The following ACOX3 variants were observed in gnomAD, a reference collection of about 807,000 sequenced individuals.
ACOX3 encodes peroxisomal acyl-coenzyme A oxidase 3.
A neutral mutation model predicts 81.5 loss-of-function variants in ACOX3; 73 were observed. That is an observed-to-expected ratio of 0.90 (90% CI 0.74 to 1.09). The LOEUF (loss-of-function observed/expected upper bound fraction) is 1.09. Among genes scored for constraint, ACOX3 ranks in the 50% least tolerant of loss-of-function variants. The probability of loss-of-function intolerance (pLI) is 0.00; values close to 1 mark genes in which losing one functional copy is unlikely to be tolerated. For missense variants in ACOX3, 947 were observed against 928.0 expected (o/e 1.02, Z -0.27); for synonymous variants, 387 against 375.1 (o/e 1.03, Z -0.37).
downstream of ACOX3, among the ~76,000 whole-genome samples, chr4:8,363,065 C>T (rs1336035961): frequency 6.6e-6 from 1 of 152,182 alleles, no homozygotes; most frequent in Non-Finnish European, 1.5e-5. Context: ...AAGTTTGTTT[C>T]TGCAATTTAG....
intron 1 of ACOX3, among the ~76,000 whole-genome samples, chr4:8,424,236 A>G (rs561142336): frequency 6.6e-6 from 1 of 152,220 alleles, no homozygotes. Context: ...CATTATACAC[A>G]CTAATTAAGG....
At position 8,423,289 on chromosome 4, in the gene ACOX3, A is replaced by T. The variant is rs1723142157; in HGVS notation, c.-14-6754T>A. ...TAGGGAGATACATTCTAGCAAAAGC[A>T]GGGGCCATTATACACCTGAACATGG... On this transcript the variant is annotated intron_variant, in intron 1 of 17. Transcript: ENST00000356406. This position sits in a 1 kb window ranked among gnomAD's most constrained non-coding sequence, Gnocchi z 4.2. Among the ~76,000 whole-genome samples, 1 of 152,186 alleles carries T rather than the reference A, an allele frequency of 6.6e-6. No homozygotes were observed. Among genetic ancestry groups the T allele is most frequent in the African/African-American group, 2.4e-5 (1 of 41,442 alleles).
At chr4:8,421,722 T>C (rs1056990744) in intron 1 of ACOX3, among the ~76,000 whole-genome samples, 1 of 152,208 alleles carries the variant, frequency 6.6e-6, no homozygotes, top group Non-Finnish European at 1.5e-5. Flanking sequence ...ACCTAGGGTA[T>C]GAACCCAGGG....
chr4:8,374,612 C>T (rs1321391916), intron 15 of ACOX3: 1 of 204,036 alleles, frequency 4.9e-6, no homozygotes, highest in Non-Finnish European at 9.7e-6. Flanking sequence ...TCCAGGAAGC[C>T]TTCCAGTATT....
chr4:8,377,370 G>A (rs541895043), intron 14 of ACOX3, among the ~76,000 whole-genome samples: 6 of 152,360 alleles, frequency 3.9e-5, no homozygotes, highest in Admixed American at 6.5e-5. Context: ...GACATGCTGC[G>A]GGGGCCAGAA....
At chr4:8,415,097 G>A (rs1305881082) in intron 3 of ACOX3, among the ~76,000 whole-genome samples, 169 bp from the exon 4 acceptor site, 2 of 152,234 alleles carry the variant, frequency 1.3e-5, no homozygotes, top group African/African-American at 4.8e-5. Context: ...CCAGCAGCCT[G>A]GATGCCCAAG....
intron 1 of ACOX3, among the ~76,000 whole-genome samples, chr4:8,438,522 C>A (rs1724383644): frequency 6.6e-6 from 1 of 152,032 alleles, no homozygotes; most frequent in Non-Finnish European, 1.5e-5. Context: ...GGTCGGCCAC[C>A]CCCAAATCAC....
intron 1 of ACOX3, among the ~76,000 whole-genome samples, chr4:8,421,719 G>T (rs1424680443): frequency 1.3e-5 from 2 of 152,296 alleles, no homozygotes; most frequent in African/African-American, 4.8e-5. Context: ...AGCACCTAGG[G>T]TATGAACCCA....
chr4:8,393,641 A>ACACACACACATG (rs1553843567), intron 10 of ACOX3, among the ~76,000 whole-genome samples: 2,599 of 52,972 alleles, frequency 0.049, 37 homozygotes, highest in Non-Finnish European at 0.081. Context: ...ACACACGCAC[A>ACACACACACATG]CACACACACA....
At chr4:8,376,138 T>A (rs1203401147) in intron 14 of ACOX3, among the ~76,000 whole-genome samples, 1 of 152,182 alleles carries the variant, frequency 6.6e-6, no homozygotes, top group African/African-American at 2.4e-5. Context: ...ACCAACCGTG[T>A]ATCTGTGTCA....
In ACOX3 at chr4:8,389,059, CACT is replaced by C; in HGVS notation, c.1537+111_1537+113del. ...AGCTGCATGCGGGGCCTCCCACCAC[CACT>C]GCTGCCCCGGCTGGAACTGCCAAGG... On this transcript the variant is annotated intron_variant, in intron 13 of 17. Transcript: ENST00000356406. This position sits in a 1 kb window ranked among gnomAD's most constrained non-coding sequence, Gnocchi z 5.3. 1 of 800,500 alleles carries C rather than the reference CACT, an allele frequency of 1.2e-6. No homozygotes were observed. Among genetic ancestry groups the C allele is most frequent in the Non-Finnish European group, 2.1e-6 (1 of 487,458 alleles). The allele number at this position is 800,500 out of a possible 1,614,324, so 49.6% of individuals were successfully genotyped here. A position where few individuals can be genotyped will look rare whatever the true frequency, so the allele number is the denominator to read the frequency against.
the ACOX3 span, chr4:8,356,598 A>G: frequency 2.2e-6 from 1 of 456,328 alleles, no homozygotes; most frequent in Non-Finnish European, 4.4e-6. Context: ...AAGTGTGCAG[A>G]ATGGTGTACG....
intron 13 of ACOX3, among the ~76,000 whole-genome samples, chr4:8,388,287 G>A (rs1718544142): frequency 6.6e-6 from 1 of 152,252 alleles, no homozygotes; most frequent in Non-Finnish European, 1.5e-5. Context: ...GAGGCCTTGG[G>A]ATGTTTCTGT....
intron 17 of ACOX3, 68 bp from the exon 18 acceptor site, chr4:8,367,148 A>C: frequency 6.3e-7 from 1 of 1,580,298 alleles, no homozygotes; most frequent in African/African-American, 1.4e-5. Context: ...TAGACGGCTG[A>C]GTGTGCAAAT....
chr4:8,391,293 T>C (rs1312972925), intron 11 of ACOX3, among the ~76,000 whole-genome samples: 4 of 152,156 alleles, frequency 2.6e-5, no homozygotes, highest in Non-Finnish European at 1.5e-5. Context: ...AGGGGCCACG[T>C]TGCTAACAGC....
rs187311461 is a variant in ACOX3, at chr4:8,366,679, C to A, written c.*282G>T. ...AGCTGAACCCTGAAAACTGAATGTG[C>A]GAAATTCTAATTATCAAAAAACCCA... On this transcript the variant is annotated 3_prime_UTR_variant, in exon 18 of 18. Transcript: ENST00000356406. The A allele has an allele frequency of 2.6e-3, 655 of 252,964 alleles. 8 individuals carry two copies. The highest frequency in any genetic ancestry group is 2.7e-3 in the Non-Finnish European group (351 of 129,252). 15.7% of individuals were successfully genotyped at this position (252,964 alleles called of 1,614,324 possible). A position where few individuals can be genotyped will look rare whatever the true frequency, so the allele number is the denominator to read the frequency against.
chr4:8,359,713 C>G, the ACOX3 span, among the ~76,000 whole-genome samples: 3 of 152,204 alleles, frequency 2.0e-5, no homozygotes, highest in African/African-American at 7.2e-5. This position sits in a 1 kb window ranked among gnomAD's most constrained non-coding sequence, Gnocchi z 6.0. Context: ...CTAAACTTTT[C>G]AGTGTTGCTG....
chr4:8,398,993 GCTCCTTTTC>G (rs1212487144), intron 8 of ACOX3, among the ~76,000 whole-genome samples: 1 of 152,174 alleles, frequency 6.6e-6, no homozygotes, highest in Non-Finnish European at 1.5e-5. Flanking sequence ...TCCCCATCAT[GCTCCTTTTC>G]CATCCGTGCT....
At chr4:8,420,611 C>G (rs989772286) in intron 1 of ACOX3, among the ~76,000 whole-genome samples, 14 of 152,214 alleles carry the variant, frequency 9.2e-5, no homozygotes, top group African/African-American at 3.1e-4. Flanking sequence ...CCCAGGCATT[C>G]GAGCCAGATC....
Sources: allele counts gnomAD v4.1 joint callset (sites outside exome capture counted in the v4.1 genomes callset), GRCh38; gene constraint gnomAD v4.1.1; non-coding constraint Gnocchi (gnomAD v3.1); transcripts MANE v1.5; gene names NCBI Gene and HGNC (gene_info 2026-07-23, HGNC 2026-07-21).